The following CACHD1 variants were observed in gnomAD, a reference collection of about 807,000 sequenced individuals.
The protein encoded by CACHD1 is cache domain containing 1.
Under a neutral mutation model 138.7 loss-of-function variants are expected in CACHD1, and 71 were observed. The observed-to-expected ratio is 0.51, with a 90% CI of 0.42 to 0.62. The LOEUF is 0.62. CACHD1 is among the 20% of genes least tolerant of loss of function. The pLI is 0.00. For missense variants in CACHD1, 1,389 were observed against 1,625.3 expected, an observed-to-expected ratio of 0.85 and a Z score of 2.50; for synonymous variants, 578 against 591.5, an observed-to-expected ratio of 0.98 and a Z score of 0.33.
chr1:64,586,176 G>T (rs547640914), intron 3 of CACHD1, among the ~76,000 whole-genome samples: 1 of 152,210 alleles, frequency 6.6e-6, no homozygotes, highest in Admixed American at 6.5e-5. Context: ...CGCTTCTCAC[G>T]CCTCAGTCTC....
At chr1:64,503,465 T>C (rs1252951134) in intron 1 of CACHD1, among the ~76,000 whole-genome samples, 1 of 152,240 alleles carries the variant, frequency 6.6e-6, no homozygotes, top group Admixed American at 6.5e-5. Flanking sequence ...TTAGGAATCA[T>C]CTTTGTTCAT....
intron 1 of CACHD1, among the ~76,000 whole-genome samples, chr1:64,494,226 C>G (rs1379965336): frequency 1.3e-5 from 2 of 152,202 alleles, no homozygotes; most frequent in Non-Finnish European, 2.9e-5. Flanking sequence ...GCTTCTTATC[C>G]TCTTAGTTAA....
intron 1 of CACHD1, among the ~76,000 whole-genome samples, chr1:64,472,615 C>T (rs1014393414): frequency 1.3e-5 from 2 of 152,072 alleles, no homozygotes; most frequent in Non-Finnish European, 2.9e-5. Flanking sequence ...TTTCTGATTT[C>T]TGATTATTGC....
chr1:64,614,911 C>G (rs563646986), intron 4 of CACHD1, among the ~76,000 whole-genome samples: 9 of 152,262 alleles, frequency 5.9e-5, no homozygotes, highest in East Asian at 1.9e-4. Flanking sequence ...CCTAAACACA[C>G]ACTGAGTATT....
At chr1:64,657,442 T>G (rs1429733618) in intron 12 of CACHD1, among the ~76,000 whole-genome samples, 1 of 152,204 alleles carries the variant, frequency 6.6e-6, no homozygotes, top group Non-Finnish European at 1.5e-5. Flanking sequence ...TGGTAGGGTT[T>G]TGTCTTTTGG....
At chr1:64,655,901 A>T (rs567581739) in intron 12 of CACHD1, among the ~76,000 whole-genome samples, 6 of 152,226 alleles carry the variant, frequency 3.9e-5, no homozygotes, top group Non-Finnish European at 7.3e-5. Flanking sequence ...GTTGACTCCA[A>T]ATAGATCCAT....
At chr1:64,608,906 G>A (rs1301077411) in intron 4 of CACHD1, among the ~76,000 whole-genome samples, 1 of 152,188 alleles carries the variant, frequency 6.6e-6, no homozygotes, top group African/African-American at 2.4e-5. Context: ...GTAGGAGTTA[G>A]TCTTTCTCAC....
chr1:64,618,025 A>G (rs1274802434), intron 4 of CACHD1, among the ~76,000 whole-genome samples: 1 of 151,734 alleles, frequency 6.6e-6, no homozygotes, highest in Non-Finnish European at 1.5e-5. Context: ...GGTTGCAGTG[A>G]GTCAAGATCA....
intron 1 of CACHD1, among the ~76,000 whole-genome samples, chr1:64,524,776 G>T (rs529344718): frequency 3.9e-5 from 6 of 152,318 alleles, no homozygotes; most frequent in African/African-American, 1.4e-4. Context: ...TGGAAGCAAA[G>T]ACACATGATG....
chr1:64,584,526 A>G (rs1371318193), intron 3 of CACHD1, among the ~76,000 whole-genome samples: 1 of 152,192 alleles, frequency 6.6e-6, no homozygotes, highest in African/African-American at 2.4e-5. Context: ...CCCTTTCTTC[A>G]TAGCTTCCAA....
chr1:64,684,363 CTTTTTTTTT>C (rs397980387), intron 26 of CACHD1, among the ~76,000 whole-genome samples: 3 of 54,982 alleles, frequency 5.5e-5, no homozygotes, highest in African/African-American at 2.3e-4. Flanking sequence ...TCTTCTTCTT[CTTTTTTTTT>C]TTTTTTTTTT....
At chr1:64,498,731 GTCTC>G (rs1467728505) in intron 1 of CACHD1, among the ~76,000 whole-genome samples, 3 of 152,174 alleles carry the variant, frequency 2.0e-5, no homozygotes, top group South Asian at 2.1e-4. Context: ...CTGATCTCTT[GTCTC>G]TCTATCAGGA....
rs1012663268 is a variant in CACHD1 at position 64,671,570 on chromosome 1, G to T, written c.2394G>T (p.Gln798His). The T allele has an allele frequency of 6.2e-7, 1 of 1,614,010 alleles. No individual in the cohort carries two copies. Among genetic ancestry groups the T allele is most frequent in the South Asian group, 1.1e-5 (1 of 91,072 alleles). Reference sequence around the variant, plus strand: ...TGATCTTTTTCACTTAAAGTACACAGCTGTCTTCTGGGCACACTGTGGCTG... The same window carrying T: ...TGATCTTTTTCACTTAAAGTACACATCTGTCTTCTGGGCACACTGTGGCTG... ...ISHTIHSSST[Q>H]LSSGHTVAVM... The change falls in exon 17 of 27, where the codon CAG (glutamine) becomes CAT (histidine). Residue 798 changes from glutamine to histidine, a missense_variant. By Grantham distance (24) the Gln-to-His change is conservative. Coordinates refer to ENST00000651257, the MANE Select transcript of CACHD1 (RefSeq NM_020925.4).
At chr1:64,670,376 C>T (rs953144630) in intron 16 of CACHD1, among the ~76,000 whole-genome samples, 3 of 152,258 alleles carry the variant, frequency 2.0e-5, no homozygotes, top group Non-Finnish European at 4.4e-5. Flanking sequence ...AATTATAATG[C>T]CTTTTAAGAT....
At chr1:64,660,655 T>C (rs1025801773) in intron 13 of CACHD1, among the ~76,000 whole-genome samples, 1 of 152,068 alleles carries the variant, frequency 6.6e-6, no homozygotes, top group Non-Finnish European at 1.5e-5. Flanking sequence ...CTCAGCTGCC[T>C]GATTAGCTGG....
At chr1:64,538,445 C>T (rs546224248) in intron 1 of CACHD1, among the ~76,000 whole-genome samples, 11 of 152,280 alleles carry the variant, frequency 7.2e-5, no homozygotes, top group African/African-American at 2.4e-4. Flanking sequence ...GCATTAGTAG[C>T]TTTTCAAAAG....
intron 2 of CACHD1, among the ~76,000 whole-genome samples, chr1:64,563,507 T>C (rs1167992918): frequency 6.6e-6 from 1 of 152,218 alleles, no homozygotes; most frequent in Non-Finnish European, 1.5e-5. Flanking sequence ...AGAATAAAGA[T>C]GCCTGGTAGC....
At chr1:64,471,816 C>T (rs1646147065) in intron 1 of CACHD1, among the ~76,000 whole-genome samples, 1 of 152,078 alleles carries the variant, frequency 6.6e-6, no homozygotes, top group East Asian at 1.9e-4. Context: ...CTGCCCGCAG[C>T]TAGTAAGGAA....
At chr1:64,670,726 G>A (rs1270410212) in intron 16 of CACHD1, among the ~76,000 whole-genome samples, 1 of 152,058 alleles carries the variant, frequency 6.6e-6, no homozygotes, top group East Asian at 1.9e-4. Context: ...TATTTTTTTA[G>A]GTGTTCACTG....
Sources: allele counts gnomAD v4.1 joint callset (sites outside exome capture counted in the v4.1 genomes callset), GRCh38; gene constraint gnomAD v4.1.1; transcripts MANE v1.5; gene names NCBI Gene and HGNC (gene_info 2026-07-23, HGNC 2026-07-21).